ZBTB7C: variants seen among roughly 807,000 people sequenced by gnomAD.
ZBTB7C encodes the protein zinc finger and BTB domain containing 7C.
ZBTB7C carries 8 observed loss-of-function variants against 25.7 expected under a neutral mutation model. The observed-to-expected ratio is 0.31, with a 90% confidence interval of 0.18 to 0.56. ZBTB7C has a LOEUF of 0.56. Ranked by LOEUF, ZBTB7C falls within the 20% of genes least tolerant of loss-of-function variation. The pLI is 0.91. For synonymous variants in ZBTB7C, 394 were observed against 369.0 expected (o/e 1.07, Z -0.78); for missense variants, 824 against 855.2 (o/e 0.96, Z 0.46).
chr18:48,367,694 C>G (rs2145141812), intron 1 of ZBTB7C, among the ~76,000 whole-genome samples: 1 of 152,132 alleles, frequency 6.6e-6, no homozygotes, highest in Non-Finnish European at 1.5e-5. Context: ...GCAAAGGCCA[C>G]ATGGGGAGCC....
rs2045147289 is a variant in ZBTB7C, at chr18:48,289,233, A to G, written c.-79+48941T>C. ...TAATAATAATAGCATGTTTTCTAAGACCTAGCAAATTCACTTTTAGGCATG... is the reference window on the plus strand; with the variant it reads ...TAATAATAATAGCATGTTTTCTAAGGCCTAGCAAATTCACTTTTAGGCATG... On this transcript the variant is annotated intron_variant, in intron 2 of 4. Coordinates refer to ENST00000590800, the MANE Select transcript of ZBTB7C (RefSeq NM_001318841.2). Among the ~76,000 whole-genome samples the G allele has an allele frequency of 2.0e-5, 3 of 152,140 alleles. No homozygotes were observed. The East Asian group carries it at 5.8e-4, about 29-fold the overall frequency.
intron 2 of ZBTB7C, among the ~76,000 whole-genome samples, chr18:48,269,119 C>T (rs2044401058): frequency 6.6e-6 from 1 of 152,122 alleles, no homozygotes; most frequent in Non-Finnish European, 1.5e-5. Context: ...TGCCACCACA[C>T]CCAGCTAACT....
At chr18:48,387,181 T>G (rs2047767840) in intron 1 of ZBTB7C, among the ~76,000 whole-genome samples, 1 of 152,214 alleles carries the variant, frequency 6.6e-6, no homozygotes, top group Admixed American at 6.5e-5. Flanking sequence ...TATGCAAAGA[T>G]GCAGAGACAA....
intron 1 of ZBTB7C, among the ~76,000 whole-genome samples, chr18:48,362,103 CCAAGTGTGG>C (rs1462804850): frequency 3.3e-5 from 5 of 152,300 alleles, no homozygotes. Flanking sequence ...AACTCCAGCC[CCAAGTGTGG>C]CCATCTTTAT....
At chr18:48,062,950 G>T (rs374519623) in intron 3 of ZBTB7C, among the ~76,000 whole-genome samples, 1 of 152,202 alleles carries the variant, frequency 6.6e-6, no homozygotes, top group East Asian at 1.9e-4. Context: ...GCCTTCACCT[G>T]CTCAGCTCTC....
intron 2 of ZBTB7C, among the ~76,000 whole-genome samples, chr18:48,193,893 GC>G (rs1261436899): frequency 5.3e-5 from 8 of 152,242 alleles, no homozygotes; most frequent in South Asian, 2.1e-4. Flanking sequence ...TCTACTCCCT[GC>G]CACCTAGCCA....
intron 3 of ZBTB7C, among the ~76,000 whole-genome samples, chr18:48,043,522 T>G (rs1350923182): frequency 6.6e-6 from 1 of 152,206 alleles, no homozygotes; most frequent in East Asian, 1.9e-4. Flanking sequence ...TATATAACAT[T>G]CTTGAGATGA....
At chr18:48,071,122 T>C (rs915284850) in intron 3 of ZBTB7C, among the ~76,000 whole-genome samples, 13 of 152,192 alleles carry the variant, frequency 8.5e-5, no homozygotes, top group Non-Finnish European at 1.9e-4. Context: ...CAGCTATGGA[T>C]TTCCAGAGAC....
intron 2 of ZBTB7C, among the ~76,000 whole-genome samples, chr18:48,332,453 G>C (rs558040771): frequency 3.5e-4 from 54 of 152,276 alleles, no homozygotes; most frequent in Non-Finnish European, 6.6e-4. Context: ...TGATTTGGGG[G>C]TTTGGATGGC....
At chr18:48,199,555 A>T (rs1183476957) in intron 2 of ZBTB7C, among the ~76,000 whole-genome samples, 3 of 151,880 alleles carry the variant, frequency 2.0e-5, no homozygotes, top group African/African-American at 7.3e-5. Context: ...AGTTTTATTG[A>T]AGTTTTCTTC....
intron 3 of ZBTB7C, among the ~76,000 whole-genome samples, chr18:48,065,365 G>A (rs568984062): frequency 1.3e-5 from 2 of 151,832 alleles, no homozygotes; most frequent in African/African-American, 2.4e-5. Context: ...AAACACACAC[G>A]CCTGAGAAAG....
intron 2 of ZBTB7C, among the ~76,000 whole-genome samples, chr18:48,245,335 G>C (rs2043654349): frequency 6.6e-6 from 1 of 151,316 alleles, no homozygotes; most frequent in Non-Finnish European, 1.5e-5. Context: ...GGTGGGAGGG[G>C]AGTGAGGGAT....
At chr18:48,042,422 A>C (rs2036289213) in intron 3 of ZBTB7C, among the ~76,000 whole-genome samples, 1 of 152,252 alleles carries the variant, frequency 6.6e-6, no homozygotes, top group Non-Finnish European at 1.5e-5. Flanking sequence ...CTTGGTACAA[A>C]TAAAGTGGGG....
intron 2 of ZBTB7C, among the ~76,000 whole-genome samples, chr18:48,275,808 T>C (rs1212071412): frequency 2.0e-5 from 3 of 152,186 alleles, no homozygotes; most frequent in Non-Finnish European, 4.4e-5. Flanking sequence ...TGACACCCCA[T>C]TTAAAATCAA....
In ZBTB7C at chr18:48,286,233, CGTGTGTGTGT is replaced by C. The variant is rs59121430; in HGVS notation, c.-79+51931_-79+51940del. Among the ~76,000 whole-genome samples, 19 of 145,566 alleles carry C rather than the reference CGTGTGTGTGT, an allele frequency of 1.3e-4. 1 individual carries two copies. Among genetic ancestry groups the C allele is most frequent in the South Asian group, 8.7e-4 (4 of 4,606 alleles). The stretch of plus-strand genomic sequence containing the variant: ...TCATCTTTGTCAGAGAAGAGGTGTG[CGTGTGTGTGT>C]GTGTGTGTGTGTGTGTGTGTGTGTA... On this transcript the variant is annotated intron_variant, in intron 2 of 4. Transcript: ENST00000590800.
intron 2 of ZBTB7C, among the ~76,000 whole-genome samples, chr18:48,234,477 A>G (rs895798709): frequency 6.6e-6 from 1 of 152,208 alleles, no homozygotes; most frequent in Non-Finnish European, 1.5e-5. Context: ...AGTTTTCCAG[A>G]AATACTTTAT....
At chr18:48,097,651 C>A (rs542234964) in intron 3 of ZBTB7C, among the ~76,000 whole-genome samples, 10 of 152,174 alleles carry the variant, frequency 6.6e-5, no homozygotes, top group Non-Finnish European at 1.3e-4. Context: ...CCCGCCTTGG[C>A]CTCCCAAAGT....
intron 1 of ZBTB7C, among the ~76,000 whole-genome samples, chr18:48,352,725 C>T (rs1568394165): frequency 6.6e-6 from 1 of 152,124 alleles, no homozygotes; most frequent in Admixed American, 6.5e-5. Context: ...ATGAACAAAA[C>T]CCTCAGAAGA....
At chr18:48,107,079 A>G (rs1382586920) in intron 3 of ZBTB7C, among the ~76,000 whole-genome samples, 1 of 147,800 alleles carries the variant, frequency 6.8e-6, no homozygotes, top group Non-Finnish European at 1.5e-5. Flanking sequence ...GAGGGAGGGA[A>G]GGAGGGAGGA....
Sources: gnomAD v4.1 joint callset for allele counts (sites outside exome capture counted in the v4.1 genomes callset) on GRCh38, gnomAD v4.1.1 for gene constraint, MANE v1.5 for transcripts, NCBI Gene and HGNC (gene_info 2026-07-23, HGNC 2026-07-21) for gene names.